SPRR2G: variants seen among roughly 807,000 people sequenced by gnomAD.
SPRR2G encodes the protein small proline-rich protein 2G.
Under a neutral mutation model 0.7 loss-of-function variants are expected in SPRR2G, and 1 was observed. The observed-to-expected ratio is 1.49, with a 90% confidence interval of 0.53 to 7.06. The LOEUF (loss-of-function observed/expected upper bound fraction) is 7.06. Among genes scored for constraint, SPRR2G ranks in the 30% most tolerant of loss-of-function variants. The pLI, the probability that SPRR2G is intolerant of heterozygous loss-of-function variation, is 0.14. For synonymous variants in SPRR2G, 38 were observed against 33.9 expected, an observed-to-expected ratio of 1.12 and a Z score of -0.42; for missense variants, 96 against 88.5, an observed-to-expected ratio of 1.09 and a Z score of -0.34.
the SPRR2G span, among the ~76,000 whole-genome samples, chr1:153,167,824 T>C: frequency 3.4e-4 from 51 of 152,200 alleles, no homozygotes; most frequent in Admixed American, 3.3e-4. Context: ...ATGTTTGCCC[T>C]CCACCACAAT....
the SPRR2G span, among the ~76,000 whole-genome samples, chr1:153,157,026 G>T: frequency 6.6e-6 from 1 of 152,110 alleles, no homozygotes; most frequent in Admixed American, 6.5e-5. Flanking sequence ...AAATTGAGGA[G>T]CTGGGGCTTA....
the SPRR2G span, among the ~76,000 whole-genome samples, chr1:153,189,270 T>C: frequency 6.6e-6 from 1 of 152,186 alleles, no homozygotes. Context: ...AATATATTTA[T>C]TGACTACTCT....
At chr1:153,161,711 T>C in the SPRR2G span, among the ~76,000 whole-genome samples, 1 of 152,200 alleles carries the variant, frequency 6.6e-6, no homozygotes, top group African/African-American at 2.4e-5. Flanking sequence ...CTGTTGGAAC[T>C]CTGGAGCAAA....
upstream of SPRR2G, among the ~76,000 whole-genome samples, chr1:153,151,828 A>G (rs1656474356): frequency 6.6e-6 from 1 of 152,192 alleles, no homozygotes; most frequent in African/African-American, 2.4e-5. Context: ...TACTTCATGG[A>G]TGTTTTTACC....
In SPRR2G at chr1:153,149,885, G is replaced by T; in HGVS notation, c.*4C>A. 1 of 1,614,094 alleles carries T rather than the reference G, an allele frequency of 6.2e-7. No homozygotes were observed. Among genetic ancestry groups the T allele is most frequent in the East Asian group, 2.2e-5 (1 of 44,888 alleles). On this transcript the variant is annotated 3_prime_UTR_variant, in exon 2 of 2. Coordinates refer to ENST00000368748, the MANE Select transcript of SPRR2G (RefSeq NM_001014291.4). ...TTTCATGGTCCTGATGAATTCTAGTGATGTTACTTGCTCTTGGGTGGATAC... is the reference window on the plus strand; with the variant it reads ...TTTCATGGTCCTGATGAATTCTAGTTATGTTACTTGCTCTTGGGTGGATAC...
chr1:153,171,481 C>T, the SPRR2G span, among the ~76,000 whole-genome samples: 3 of 152,154 alleles, frequency 2.0e-5, no homozygotes, highest in Admixed American at 6.5e-5. Flanking sequence ...CTTGTGTGAT[C>T]ACACCATATA....
At chr1:153,200,967 A>G in the SPRR2G span, among the ~76,000 whole-genome samples, 1 of 152,120 alleles carries the variant, frequency 6.6e-6, no homozygotes, top group Non-Finnish European at 1.5e-5. Context: ...CAGCCTCCCA[A>G]AGTGCTGGGA....
the SPRR2G span, among the ~76,000 whole-genome samples, chr1:153,199,235 T>G: frequency 6.6e-6 from 1 of 152,204 alleles, no homozygotes; most frequent in Admixed American, 6.5e-5. Context: ...GAAAACTGGC[T>G]GTCCAGGTGG....
chr1:153,189,346 G>T, the SPRR2G span, among the ~76,000 whole-genome samples: 2 of 151,790 alleles, frequency 1.3e-5, no homozygotes, highest in African/African-American at 2.4e-5. Context: ...TGGTTATAAG[G>T]CTCTGTGTTT....
the SPRR2G span, among the ~76,000 whole-genome samples, chr1:153,181,946 G>T: frequency 1.3e-5 from 2 of 152,174 alleles, no homozygotes; most frequent in East Asian, 3.9e-4. Context: ...TTAGTAGTGG[G>T]ATTGCAGGAT....
the SPRR2G span, among the ~76,000 whole-genome samples, chr1:153,174,820 T>C: frequency 6.6e-6 from 1 of 152,154 alleles, no homozygotes; most frequent in Non-Finnish European, 1.5e-5. Context: ...AGACAACACC[T>C]GCACTGTCAG....
At chr1:153,163,338 C>T in the SPRR2G span, among the ~76,000 whole-genome samples, 8 of 152,154 alleles carry the variant, frequency 5.3e-5, no homozygotes, top group Non-Finnish European at 1.0e-4. Context: ...CTACACATTC[C>T]AAAAAGAAGG....
At chr1:153,189,923 G>A in the SPRR2G span, among the ~76,000 whole-genome samples, 7 of 152,166 alleles carry the variant, frequency 4.6e-5, no homozygotes, top group East Asian at 9.6e-4. Flanking sequence ...CTCCTGTAGG[G>A]TGGGCAGTCT....
At chr1:153,151,249 G>A (rs1479449709), upstream of SPRR2G, among the ~76,000 whole-genome samples, 4 of 152,174 alleles carry the variant, frequency 2.6e-5, no homozygotes, top group African/African-American at 9.7e-5. Flanking sequence ...ATCTAGCTGT[G>A]TTCTCTTTAG....
At chr1:153,180,861 G>C in the SPRR2G span, among the ~76,000 whole-genome samples, 1 of 152,140 alleles carries the variant, frequency 6.6e-6, no homozygotes, top group Non-Finnish European at 1.5e-5. Flanking sequence ...TTTCTCTTAT[G>C]AATGGTGAGA....
chr1:153,177,290 T>C, the SPRR2G span, among the ~76,000 whole-genome samples: 4 of 152,224 alleles, frequency 2.6e-5, no homozygotes, highest in African/African-American at 4.8e-5. Flanking sequence ...TTTGGGGCTA[T>C]ATGAACAAAG....
At chr1:153,175,745 C>T in the SPRR2G span, among the ~76,000 whole-genome samples, 18 of 152,336 alleles carry the variant, frequency 1.2e-4, no homozygotes, top group African/African-American at 4.1e-4. Flanking sequence ...TTCACCACTG[C>T]TATATGCCCA....
chr1:153,157,528 A>G, the SPRR2G span, among the ~76,000 whole-genome samples: 1,424 of 152,264 alleles, frequency 9.4e-3, 23 homozygotes, highest in African/African-American at 0.033. Flanking sequence ...TTTAATATAC[A>G]CATCTGGATG....
upstream of SPRR2G, among the ~76,000 whole-genome samples, chr1:153,153,482 T>TAAGTAAATAGTAAAATAAGTA (rs1656515912): frequency 6.6e-6 from 1 of 152,066 alleles, no homozygotes; most frequent in Non-Finnish European, 1.5e-5. Context: ...GCAAATAAAA[T>TAAGTAAATAGTAAAATAAGTA]AAATAGTAAG....
Sources: allele counts gnomAD v4.1 joint callset (sites outside exome capture counted in the v4.1 genomes callset), GRCh38; gene constraint gnomAD v4.1.1; transcripts MANE v1.5; gene names NCBI Gene and HGNC (gene_info 2026-07-23, HGNC 2026-07-21).